Variants in RGS6 observed in about 807,000 individuals in gnomAD.
The protein encoded by RGS6 is regulator of G protein signaling 6, also known as regulator of G-protein signaling 6.
RGS6 carries 30 observed loss-of-function variants against 78.5 expected under a neutral mutation model. The ratio of observed to expected loss-of-function variants is 0.38; its 90% confidence interval spans 0.29 to 0.52. The LOEUF (loss-of-function observed/expected upper bound fraction) is 0.52. RGS6 is among the 20% of genes least tolerant of loss of function. The pLI is 0.85. For synonymous variants in RGS6, 206 were observed against 206.0 expected (o/e 1.00, Z 0.00); for missense variants, 495 against 609.7 (o/e 0.81, Z 1.98).
rs531338900 is a variant in RGS6, at chr14:72,125,523, G to T, written c.84+160648G>T. ...ACAACAAGCTTTGCAGTAGAGAAAA[G>T]ATTTTATTCACCAGGCAGCCAAGCA... On this transcript the variant is annotated intron_variant, in intron 2 of 17. Coordinates refer to ENST00000553525, the MANE Select transcript of RGS6 (RefSeq NM_001204424.2). Among the ~76,000 whole-genome samples the T allele has an allele frequency of 1.2e-4, 18 of 152,208 alleles. No individual in the cohort carries two copies. The South Asian group carries it at 1.9e-3, about 16-fold the overall frequency.
At chr14:72,517,314 T>C (rs1193248805) in intron 14 of RGS6, among the ~76,000 whole-genome samples, 1 of 152,118 alleles carries the variant, frequency 6.6e-6, no homozygotes, top group Non-Finnish European at 1.5e-5. Flanking sequence ...ACCTACTCTC[T>C]TACTCACTGA....
chr14:72,035,127 A>G (rs1472467208), intron 2 of RGS6, among the ~76,000 whole-genome samples: 1 of 152,138 alleles, frequency 6.6e-6, no homozygotes, highest in Non-Finnish European at 1.5e-5. Flanking sequence ...TCAGGGTTTC[A>G]GGCATTCACT....
intron 2 of RGS6, among the ~76,000 whole-genome samples, chr14:72,080,203 C>T (rs1209786424): frequency 6.6e-6 from 1 of 151,928 alleles, no homozygotes; most frequent in African/African-American, 2.4e-5. Flanking sequence ...CATTATCTTT[C>T]GTCTTTTTGA....
intron 2 of RGS6, among the ~76,000 whole-genome samples, chr14:72,147,724 G>A (rs1460016592): frequency 6.6e-6 from 1 of 152,198 alleles, no homozygotes; most frequent in African/African-American, 2.4e-5. Context: ...TTGAAAGAAT[G>A]AACAAGGGTA....
At chr14:72,571,222 A>G (rs2097719862), downstream of RGS6, among the ~76,000 whole-genome samples, 2 of 152,240 alleles carry the variant, frequency 1.3e-5, no homozygotes, top group East Asian at 3.8e-4. Context: ...AGTGACTTAC[A>G]TAAGATTATA....
chr14:71,964,839 A>G lies in RGS6; in HGVS notation c.48A>G (p.Pro16=). The change falls in exon 2 of 18, where the codon CCA becomes CCG. Residue 16 remains proline (P), a synonymous_variant. Coordinates refer to ENST00000553525, the MANE Select transcript of RGS6 (RefSeq NM_001204424.2). ...GDQRAVGVAD[P]EESSPNMIVY... is the part of the protein sequence containing the mutation. ...AAAGAGCAGTGGGGGTTGCTGACCC[A>G]GAGGAGAGTTCTCCAAACATGATCG... The G allele has an allele frequency of 1.2e-6, 2 of 1,613,928 alleles. No homozygotes were observed. Among genetic ancestry groups the G allele is most frequent in the South Asian group, 1.1e-5 (1 of 91,044 alleles).
intron 1 of RGS6, among the ~76,000 whole-genome samples, chr14:71,938,854 CAAAAG>C (rs1188420521): frequency 6.6e-6 from 1 of 152,132 alleles, no homozygotes; most frequent in Non-Finnish European, 1.5e-5. Flanking sequence ...AGCTGTCTCT[CAAAAG>C]GAGAGTAGTT....
At chr14:72,228,354 C>T (rs2048654329) in intron 2 of RGS6, among the ~76,000 whole-genome samples, 1 of 151,868 alleles carries the variant, frequency 6.6e-6, no homozygotes, top group Non-Finnish European at 1.5e-5. Flanking sequence ...GCACTCCAGC[C>T]TGAGCAACAG....
intron 15 of RGS6, among the ~76,000 whole-genome samples, chr14:72,524,699 A>G (rs926926363): frequency 6.6e-6 from 1 of 152,168 alleles, no homozygotes; most frequent in African/African-American, 2.4e-5. Context: ...GTGCAGAGGG[A>G]AATAACATGA....
intron 15 of RGS6, among the ~76,000 whole-genome samples, chr14:72,527,893 G>A (rs2097137785): frequency 2.6e-5 from 4 of 152,204 alleles, no homozygotes; most frequent in Admixed American, 2.6e-4. Flanking sequence ...GGGCAGAGAT[G>A]AGGCACACAC....
At chr14:71,986,074 C>G (rs1305773146) in intron 2 of RGS6, among the ~76,000 whole-genome samples, 1 of 152,176 alleles carries the variant, frequency 6.6e-6, no homozygotes, top group Non-Finnish European at 1.5e-5. Context: ...GGGAGGCAGG[C>G]TTTGCTATAA....
At chr14:72,352,049 T>A (rs774593339) in intron 2 of RGS6, 46 bp from the exon 3 acceptor site, 2 of 1,415,012 alleles carry the variant, frequency 1.4e-6, no homozygotes, top group South Asian at 2.5e-5. Context: ...CATTTATAAT[T>A]ACATTATGGG....
At chr14:72,025,389 G>A (rs553164197) in intron 2 of RGS6, among the ~76,000 whole-genome samples, 5 of 152,012 alleles carry the variant, frequency 3.3e-5, no homozygotes, top group Admixed American at 6.5e-5. Flanking sequence ...TGTACTTGCC[G>A]AATAGTGTTT....
rs1392662603 is a variant in RGS6, at chr14:72,480,262, A to T, written c.854+1933A>T. 2.0e-5 allele frequency among the ~76,000 whole-genome samples: 3 copies of T among 152,176 alleles called. No homozygotes were observed. In the East Asian group the frequency reaches 5.8e-4, roughly 29 times the overall value. On this transcript the variant is annotated intron_variant, in intron 12 of 17. Coordinates refer to ENST00000553525, the MANE Select transcript of RGS6 (RefSeq NM_001204424.2). ...TTATATCTTTGGGATGCAGAGAAAG[A>T]GCCTGAACCTGTCAGCATGAGGGAG...
At chr14:72,032,681 C>T in intron 2 of RGS6, among the ~76,000 whole-genome samples, 1 of 150,912 alleles carries the variant, frequency 6.6e-6, no homozygotes, top group Non-Finnish European at 1.5e-5. Flanking sequence ...TTAAGTATAC[C>T]TCATATAACT....
the RGS6 span, among the ~76,000 whole-genome samples, chr14:71,901,820 A>G: frequency 0.15 from 23,006 of 152,172 alleles, 2,518 homozygotes; most frequent in African/African-American, 0.31. Context: ...TGGGTGCTTT[A>G]GAGGATTACA....
the RGS6 span, chr14:72,595,067 T>C: frequency 1.3e-5 from 2 of 152,120 alleles, no homozygotes; most frequent in African/African-American, 4.8e-5. Flanking sequence ...CCATAAATGA[T>C]TCATGGGGGA....
At chr14:72,403,693 C>T (rs1193895930) in intron 3 of RGS6, among the ~76,000 whole-genome samples, 1 of 152,076 alleles carries the variant, frequency 6.6e-6, no homozygotes, top group African/African-American at 2.4e-5. Context: ...TATCAAAATA[C>T]CACTCTATAC....
At chr14:72,494,814 G>A (rs1027295966) in intron 12 of RGS6, among the ~76,000 whole-genome samples, 1 of 152,124 alleles carries the variant, frequency 6.6e-6, no homozygotes, top group Non-Finnish European at 1.5e-5. Flanking sequence ...TTTGTGGGAG[G>A]GTGGAACACA....
Sources: allele counts gnomAD v4.1 joint callset (sites outside exome capture counted in the v4.1 genomes callset), GRCh38; gene constraint gnomAD v4.1.1; transcripts MANE v1.5; gene names NCBI Gene and HGNC (gene_info 2026-07-23, HGNC 2026-07-21).